Variants in ABCA13 observed in about 807,000 individuals in gnomAD.
The protein encoded by ABCA13 is ATP binding cassette subfamily A member 13, also known as ATP-binding cassette sub-family A member 13.
In ABCA13, 476 loss-of-function variants were observed where a neutral mutation model predicts 478.7. That is an observed-to-expected ratio of 0.99 (90% CI 0.92 to 1.07). ABCA13 has a LOEUF of 1.07. Ranked by LOEUF, ABCA13 falls within the 50% of genes least tolerant of loss-of-function variation. The pLI is 0.00. For missense variants in ABCA13, 6,060 were observed against 5,910.6 expected (o/e 1.03, Z -0.83); for synonymous variants, 2,252 against 2,158.9 (o/e 1.04, Z -1.20).
chr7:48,518,718 G>T (rs1169006936), intron 52 of ABCA13, among the ~76,000 whole-genome samples: 1 of 151,958 alleles, frequency 6.6e-6, no homozygotes, highest in East Asian at 1.9e-4. Flanking sequence ...TCATTTGTAG[G>T]TTATGGAGCT....
At chr7:48,366,209 G>T (rs758369608) in intron 31 of ABCA13, among the ~76,000 whole-genome samples, 1 of 152,018 alleles carries the variant, frequency 6.6e-6, no homozygotes, top group African/African-American at 2.4e-5. Context: ...ACTGTGACCC[G>T]TGTTCTGCTT....
At chr7:48,627,195 T>C (rs1332954899) in intron 59 of ABCA13, 1 of 409,438 alleles carries the variant, frequency 2.4e-6, no homozygotes, top group Non-Finnish European at 3.3e-6. Context: ...TTTAAGCAGT[T>C]GGCCCCAAAA....
At chr7:48,391,868 G>A (rs957775981) in intron 37 of ABCA13, 53 bp from the exon 38 acceptor site, 67 of 1,533,588 alleles carry the variant, frequency 4.4e-5, no homozygotes, top group Non-Finnish European at 5.4e-5. Flanking sequence ...GATTGCTGAC[G>A]TTCACAGTAT....
chr7:48,198,506 C>G, intron 3 of ABCA13, 146 bp downstream of exon 3: 1 of 972,196 alleles, frequency 1.0e-6, no homozygotes, highest in Non-Finnish European at 1.4e-6. Context: ...AATTCAGAGT[C>G]ATATAATTCT....
In ABCA13 at chr7:48,356,469, G is replaced by A. The variant is rs189164061; in HGVS notation, c.10688+3982G>A. Among the ~76,000 whole-genome samples the A allele has an allele frequency of 7.9e-3, 1,203 of 151,696 alleles. 12 individuals carry two copies. Among genetic ancestry groups the A allele is most frequent in the Non-Finnish European group, 0.014 (930 of 67,958 alleles). ...AAATTGGTAGTGTATAAACGGGGGG[G>A]ACAGCTGTGTCCTGAATTAGTCAAG... On this transcript the variant is annotated intron_variant, in intron 31 of 61. Coordinates refer to ENST00000435803, the MANE Select transcript of ABCA13 (RefSeq NM_152701.5).
chr7:48,282,946 AAGTGCC>A (rs2128787167), intron 19 of ABCA13, among the ~76,000 whole-genome samples: 1 of 152,350 alleles, frequency 6.6e-6, no homozygotes, highest in Non-Finnish European at 1.5e-5. Context: ...ATGAATGAAT[AAGTGCC>A]AGAAGCTCTT....
rs185678311 is a variant in ABCA13, at chr7:48,524,381, C to T, written c.14185C>T (p.Arg4729Cys). Reference protein sequence around the residue: ...VLYNLSKHYRRFFQNIIAVQD... With the variant: ...VLYNLSKHYRCFFQNIIAVQD... The stretch of plus-strand genomic sequence containing the variant: ...ATACAACCTTAGTAAACATTATCGA[C>T]GCTTTTTCCAGAATATTATTGCTGT... Residue 4729 changes from arginine to cysteine, a missense_variant, in exon 54 of 62, where the codon CGC (arginine) becomes TGC (cysteine). Arg to Cys is a radical substitution (Grantham distance 180). This residue lies in a region of ABCA13 where 1,627 missense variants were observed against 1,571.0 expected (regional missense o/e 1.04). Transcript: ENST00000435803. 4.6e-4 allele frequency: 750 copies of T among 1,613,104 alleles called. 1 individual carries two copies. Among genetic ancestry groups the T allele is most frequent in the South Asian group, 9.7e-4 (88 of 90,968 alleles).
At chr7:48,621,232 T>C (rs149614676) in intron 59 of ABCA13, among the ~76,000 whole-genome samples, 9 of 152,334 alleles carry the variant, frequency 5.9e-5, no homozygotes, top group African/African-American at 2.2e-4. Context: ...GTTTTTTTCT[T>C]TATAGCAATA....
intron 55 of ABCA13, among the ~76,000 whole-genome samples, chr7:48,550,402 C>T (rs939637038): frequency 2.6e-5 from 4 of 151,430 alleles, no homozygotes; most frequent in Admixed American, 1.3e-4. Context: ...GGAGTACAGG[C>T]GCCTGCCACC....
At chr7:48,473,627 G>T (rs1171859101) in intron 45 of ABCA13, among the ~76,000 whole-genome samples, 1 of 152,168 alleles carries the variant, frequency 6.6e-6, no homozygotes, top group Non-Finnish European at 1.5e-5. Context: ...CACTGGCATT[G>T]TTAGGTTACT....
chr7:48,490,773 G>A (rs1423499156), intron 48 of ABCA13, among the ~76,000 whole-genome samples: 3 of 152,182 alleles, frequency 2.0e-5, no homozygotes, highest in Non-Finnish European at 2.9e-5. Context: ...TGACTGACAT[G>A]ATGAAGAGTA....
At chr7:48,209,226 A>G (rs1004148529) in intron 3 of ABCA13, among the ~76,000 whole-genome samples, 2 of 152,112 alleles carry the variant, frequency 1.3e-5, no homozygotes, top group African/African-American at 2.4e-5. Flanking sequence ...GTAATATTAA[A>G]TTCAGTTAAA....
At chr7:48,367,599 G>A (rs542494861) in intron 31 of ABCA13, among the ~76,000 whole-genome samples, 195 bp from the exon 32 acceptor site, 1 of 152,230 alleles carries the variant, frequency 6.6e-6, no homozygotes, top group African/African-American at 2.4e-5. Context: ...TCTCCTTCAT[G>A]GGTTCCTTCA....
Position 48,219,511 on chromosome 7 carries a change from T to A in ABCA13, c.439+6T>A, listed in dbSNP as rs1041678849. 6.2e-7 allele frequency: 1 copy of A among 1,605,646 alleles called. No homozygotes were observed. The highest frequency in any genetic ancestry group is 8.5e-7 in the Non-Finnish European group (1 of 1,177,390). On this transcript the variant is annotated splice_donor_region_variant and intron_variant, in intron 4 of 61. Coordinates refer to ENST00000435803, the MANE Select transcript of ABCA13 (RefSeq NM_152701.5). ...AGAACGATCCAACACTCCAGGCAAG[T>A]AAACCTCTCATAACTGTGACACTAC...
chr7:48,486,430 A>G (rs979360370), intron 47 of ABCA13, among the ~76,000 whole-genome samples: 2 of 152,190 alleles, frequency 1.3e-5, no homozygotes, highest in African/African-American at 4.8e-5. Flanking sequence ...TCACACTGTA[A>G]TATGCGTCAC....
intron 35 of ABCA13, among the ~76,000 whole-genome samples, chr7:48,380,585 C>T (rs1357562313): frequency 6.6e-6 from 1 of 152,218 alleles, no homozygotes; most frequent in Non-Finnish European, 1.5e-5. Flanking sequence ...TGTGTGTGAT[C>T]AGGCTCACAG....
chr7:48,455,313 C>T (rs780717097), intron 43 of ABCA13, 27 bp downstream of exon 43: 1 of 1,576,470 alleles, frequency 6.3e-7, no homozygotes, highest in Non-Finnish European at 8.6e-7. Context: ...CCTTTGATTT[C>T]GAAATTATGT....
rs540364433 is a variant in ABCA13, at chr7:48,283,595, A to G, written c.8836+2143A>G. Among the ~76,000 whole-genome samples, 50 of 152,300 alleles carry G rather than the reference A, an allele frequency of 3.3e-4. 1 individual carries two copies. The highest frequency in any genetic ancestry group is 1.7e-3 in the South Asian group (8 of 4,822). On this transcript the variant is annotated intron_variant, in intron 19 of 61. Transcript: ENST00000435803. ...GTAGAAGGATTGGATAGGTCAATGCATGAGGGCTGGCACTAGGTTGGGCAC... is the reference window on the plus strand; with the variant it reads ...GTAGAAGGATTGGATAGGTCAATGCGTGAGGGCTGGCACTAGGTTGGGCAC...
At chr7:48,579,371 G>C (rs1052211033) in intron 55 of ABCA13, among the ~76,000 whole-genome samples, 1 of 152,164 alleles carries the variant, frequency 6.6e-6, no homozygotes, top group African/African-American at 2.4e-5. Flanking sequence ...TTCATAAGAT[G>C]CTCAACATCA....
Sources: gnomAD v4.1 joint callset for allele counts (sites outside exome capture counted in the v4.1 genomes callset) on GRCh38, gnomAD v4.1.1 for gene constraint, gnomAD v4.1.1 regional missense constraint, MANE v1.5 for transcripts, NCBI Gene and HGNC (gene_info 2026-07-23, HGNC 2026-07-21) for gene names.